Variants in AMZ1 observed in about 807,000 individuals in gnomAD.
The protein encoded by AMZ1 is archaemetzincin-1.
AMZ1 carries 39 observed loss-of-function variants against 29.9 expected under a neutral mutation model. The ratio of observed to expected loss-of-function variants is 1.30; its 90% CI spans 1.01 to 1.70. The LOEUF is 1.70. Among genes scored for constraint, AMZ1 ranks in the 40% most tolerant of loss-of-function variants. The pLI, the probability that AMZ1 is intolerant of heterozygous loss-of-function variation, is 0.00. For missense variants in AMZ1, 1,041 were observed against 680.6 expected (o/e 1.53, Z -5.89); for synonymous variants, 458 against 304.0 (o/e 1.51, Z -5.27).
At chr7:2,736,420 G>A (rs1407377827) in intron 4 of AMZ1, among the ~76,000 whole-genome samples, 4 of 149,968 alleles carry the variant, frequency 2.7e-5, no homozygotes, top group African/African-American at 9.7e-5. Context: ...CGGCCACTGA[G>A]CACACACCTG....
At chr7:2,688,937 C>T (rs905426150) in intron 1 of AMZ1, among the ~76,000 whole-genome samples, 1 of 152,226 alleles carries the variant, frequency 6.6e-6, no homozygotes, top group African/African-American at 2.4e-5. Context: ...GACCTGGGTC[C>T]TTTCTGCCCC....
chr7:2,757,821 G>A (rs1332795538), intron 4 of AMZ1, among the ~76,000 whole-genome samples: 1 of 152,138 alleles, frequency 6.6e-6, no homozygotes, highest in Non-Finnish European at 1.5e-5. Context: ...CGCTTGCTGA[G>A]TCAATGAAGA....
intron 4 of AMZ1, among the ~76,000 whole-genome samples, chr7:2,758,358 T>C (rs1344395300): frequency 3.9e-5 from 6 of 152,196 alleles, no homozygotes; most frequent in Non-Finnish European, 5.9e-5. Flanking sequence ...GTGTGGCCTC[T>C]GAAAAGCTCC....
At chr7:2,723,999 TG>T (rs1789526413), downstream of AMZ1, among the ~76,000 whole-genome samples, 1 of 151,546 alleles carries the variant, frequency 6.6e-6, no homozygotes, top group Non-Finnish European at 1.5e-5. Flanking sequence ...GTCCACCTCC[TG>T]GGTTCAGGCA....
chr7:2,683,932 C>A (rs908856444), upstream of AMZ1, among the ~76,000 whole-genome samples: 1 of 151,528 alleles, frequency 6.6e-6, no homozygotes, highest in Admixed American at 6.6e-5. Flanking sequence ...AATCCCAGCA[C>A]TTTGGGAGGC....
In AMZ1 at chr7:2,735,155, T is replaced by A. The variant is rs208357; in HGVS notation, n.550+25339T>A. ...AAGTTCCTTCCTCAGCGCCTCTCTCTCCTGCCTCCTCCTGCTCTCCTGCCC... is the reference window on the plus strand; with the variant it reads ...AAGTTCCTTCCTCAGCGCCTCTCTCACCTGCCTCCTCCTGCTCTCCTGCCC... On this transcript the variant is annotated intron_variant and non_coding_transcript_variant, in intron 4 of 4. Transcript: ENST00000489665. Among the ~76,000 whole-genome samples the A allele has an allele frequency of 2.6e-5, 4 of 152,094 alleles. No individual in the cohort carries two copies. The East Asian group carries it at 7.7e-4, about 29-fold the overall frequency.
chr7:2,719,643 ACATTTT>A lies in AMZ1; in HGVS notation c.*6770_*6775del, dbSNP rs1789334877. Among the ~76,000 whole-genome samples, 2 of 152,102 alleles carry A rather than the reference ACATTTT, an allele frequency of 1.3e-5. No homozygotes were observed. Among genetic ancestry groups the A allele is most frequent in the Non-Finnish European group, 2.9e-5 (2 of 68,038 alleles). On this transcript the variant is annotated 3_prime_UTR_variant, in exon 7 of 7. Coordinates refer to ENST00000683327, the MANE Select transcript of AMZ1 (RefSeq NM_001384743.1). ...AGCTTTTCTATAATGCTTACATCTTACATTTTCATTCTCAAAATTAATAAATGCTAT... is the reference window on the plus strand; with the variant it reads ...AGCTTTTCTATAATGCTTACATCTTACATTCTCAAAATTAATAAATGCTAT...
At chr7:2,741,710 A>C (rs144581671) in intron 4 of AMZ1, among the ~76,000 whole-genome samples, 125 of 152,068 alleles carry the variant, frequency 8.2e-4, no homozygotes, top group African/African-American at 2.8e-3. Context: ...GACTTTTAAA[A>C]ATCCGTCATC....
Position 2,702,780 on chromosome 7 carries a change from G to A in AMZ1, c.363G>A (p.Glu121=), listed in dbSNP as rs947148667. ...SLLHQLCSCT[E]AFFLGLRVKC... is the part of the protein sequence containing the mutation. ...TGCACCAGCTGTGCAGCTGCACAGA[G>A]GCCTTCTTCCTGGGCCTGCGCGTCA... Residue 121 remains glutamate (E), a synonymous_variant, in exon 3 of 7, where the codon GAG becomes GAA. Transcript: ENST00000683327. 1.9e-6 allele frequency: 3 copies of A among 1,544,410 alleles called. No individual in the cohort carries two copies. The highest frequency in any genetic ancestry group is 1.7e-6 in the Non-Finnish European group (2 of 1,147,690).
At chr7:2,736,418 G>A (rs1454638307) in intron 4 of AMZ1, among the ~76,000 whole-genome samples, 3 of 150,262 alleles carry the variant, frequency 2.0e-5, no homozygotes, top group Non-Finnish European at 4.5e-5. Flanking sequence ...AGCGGCCACT[G>A]AGCACACACC....
intron 1 of AMZ1, among the ~76,000 whole-genome samples, chr7:2,681,504 A>G (rs1282488697): frequency 1.3e-5 from 2 of 152,088 alleles, no homozygotes; most frequent in Non-Finnish European, 2.9e-5. Context: ...CGAGAGATCC[A>G]TCCGCCTTGC....
At chr7:2,753,166 A>T (rs551384696) in intron 4 of AMZ1, among the ~76,000 whole-genome samples, 2,495 of 148,534 alleles carry the variant, frequency 0.017, 62 homozygotes, top group African/African-American at 0.056. Context: ...TTTTTTTTTT[A>T]AAAAAAGAGA....
At chr7:2,751,594 T>C (rs919908034) in intron 4 of AMZ1, among the ~76,000 whole-genome samples, 4 of 152,156 alleles carry the variant, frequency 2.6e-5, no homozygotes, top group Admixed American at 2.0e-4. Flanking sequence ...AAATGTTGGT[T>C]CTTTAAAAAT....
chr7:2,746,939 G>A (rs1345916939), intron 4 of AMZ1, among the ~76,000 whole-genome samples: 11 of 152,114 alleles, frequency 7.2e-5, no homozygotes, highest in African/African-American at 2.4e-4. Flanking sequence ...TAAATTCCTC[G>A]ACACATACAT....
At chr7:2,735,875 C>G (rs531235004) in intron 4 of AMZ1, among the ~76,000 whole-genome samples, 1 of 152,200 alleles carries the variant, frequency 6.6e-6, no homozygotes, top group East Asian at 1.9e-4. Flanking sequence ...GCCACAAGCT[C>G]TCTAATGGGG....
At position 2,693,704 on chromosome 7, in the gene AMZ1, C is replaced by T. The variant is rs980393687; in HGVS notation, c.-219+5408C>T. On this transcript the variant is annotated intron_variant, in intron 1 of 6. Transcript: ENST00000683327. Reference sequence around the variant, plus strand: ...CAGAGTAGCTAGGACTATAGGCGCCCGCCACCACGCCTGGCTAATTTTTTG... The same window carrying T: ...CAGAGTAGCTAGGACTATAGGCGCCTGCCACCACGCCTGGCTAATTTTTTG... Among the ~76,000 whole-genome samples, 6 of 152,172 alleles carry T rather than the reference C, an allele frequency of 3.9e-5. No individual in the cohort carries two copies. In the East Asian group the frequency reaches 5.8e-4, roughly 15 times the overall value.
Position 2,703,032 on chromosome 7 carries a change from A to C in AMZ1, c.472+143A>C, listed in dbSNP as rs1788151878. The C allele has an allele frequency of 4.1e-6, 5 of 1,222,956 alleles. No homozygotes were observed. In the Admixed American group the frequency reaches 1.5e-4, roughly 36 times the overall value. The allele number at this position is 1,222,956 out of a possible 1,614,324, so 75.8% of individuals were successfully genotyped here. A position where few individuals can be genotyped will look rare whatever the true frequency, so the allele number is the denominator to read the frequency against. On this transcript the variant is annotated intron_variant, in intron 3 of 6. Transcript: ENST00000683327. Reference sequence around the variant, plus strand: ...TCCATTTCCCAGGTGTTTGGGAAGCAGGACCAAGCCGGAGAGCTCCTTCTT... The same window carrying C: ...TCCATTTCCCAGGTGTTTGGGAAGCCGGACCAAGCCGGAGAGCTCCTTCTT...
At chr7:2,701,565 G>A (rs182042609) in intron 2 of AMZ1, among the ~76,000 whole-genome samples, 44 of 152,316 alleles carry the variant, frequency 2.9e-4, no homozygotes, top group African/African-American at 1.0e-3. Context: ...AACGGCCCAG[G>A]CAGGTGCGGG....
intron 4 of AMZ1, among the ~76,000 whole-genome samples, chr7:2,736,237 G>A (rs1286075997): frequency 3.9e-5 from 6 of 152,168 alleles, no homozygotes; most frequent in Non-Finnish European, 8.8e-5. Flanking sequence ...TGCCTGCCAA[G>A]ACGAGCCCAG....
Sources: gnomAD v4.1 joint callset for allele counts (sites outside exome capture counted in the v4.1 genomes callset) on GRCh38, gnomAD v4.1.1 for gene constraint, MANE v1.5 for transcripts, NCBI Gene and HGNC (gene_info 2026-07-23, HGNC 2026-07-21) for gene names.